Variants in PIK3C2G observed in about 807,000 individuals in gnomAD.
PIK3C2G encodes phosphatidylinositol 3-kinase C2 domain-containing subunit gamma.
A neutral mutation model predicts 181.1 loss-of-function variants in PIK3C2G; 168 were observed. That is an observed-to-expected ratio of 0.93 (90% CI 0.82 to 1.05). PIK3C2G has a LOEUF of 1.05. Among genes scored for constraint, PIK3C2G ranks in the 50% least tolerant of loss-of-function variants. The pLI, the probability that PIK3C2G is intolerant of heterozygous loss-of-function variation, is 0.00. For missense variants in PIK3C2G, 1,869 were observed against 1,732.8 expected (o/e 1.08, Z -1.40); for synonymous variants, 573 against 592.2 (o/e 0.97, Z 0.47).
At chr12:18,707,022 T>A in the PIK3C2G span, among the ~76,000 whole-genome samples, 1 of 152,198 alleles carries the variant, frequency 6.6e-6, no homozygotes, top group African/African-American at 2.4e-5. Flanking sequence ...ATCTCTCTAA[T>A]CTCTGTCCCT....
chr12:18,470,417 C>T (rs922245568), intron 18 of PIK3C2G, among the ~76,000 whole-genome samples: 1 of 152,076 alleles, frequency 6.6e-6, no homozygotes, highest in African/African-American at 2.4e-5. Flanking sequence ...ATGCATATCC[C>T]AAACATTTCT....
intron 24 of PIK3C2G, among the ~76,000 whole-genome samples, chr12:18,522,386 CT>C (rs1157003137): frequency 6.6e-6 from 1 of 152,092 alleles, no homozygotes; most frequent in Non-Finnish European, 1.5e-5. Context: ...AATTAGCAGA[CT>C]TTTATTTTAG....
chr12:18,591,177 A>C (rs1247948306), intron 29 of PIK3C2G, among the ~76,000 whole-genome samples: 1 of 151,944 alleles, frequency 6.6e-6, no homozygotes, highest in Admixed American at 6.6e-5. Context: ...CTTCTATTAA[A>C]CAAGTTCACA....
At chr12:18,561,000 G>C (rs1945315376) in intron 26 of PIK3C2G, among the ~76,000 whole-genome samples, 1 of 152,126 alleles carries the variant, frequency 6.6e-6, no homozygotes, top group South Asian at 2.1e-4. Flanking sequence ...CACTCAAAAA[G>C]AAAATGTGAG....
intron 20 of PIK3C2G, chr12:18,493,233 G>C (rs748804229): frequency 4.6e-5 from 7 of 152,152 alleles, no homozygotes; most frequent in Admixed American, 6.5e-5. Context: ...TTTGACATCA[G>C]AGCCTACACA....
intron 22 of PIK3C2G, among the ~76,000 whole-genome samples, chr12:18,499,521 T>C (rs1167099691): frequency 6.6e-6 from 1 of 152,202 alleles, no homozygotes; most frequent in African/African-American, 2.4e-5. Flanking sequence ...GTATGTAATG[T>C]CCTAGGAGTT....
At chr12:18,385,000 A>T (rs1943073071) in intron 14 of PIK3C2G, among the ~76,000 whole-genome samples, 1 of 152,158 alleles carries the variant, frequency 6.6e-6, no homozygotes, top group Admixed American at 6.5e-5. Flanking sequence ...GAATCTTTCA[A>T]CCTAAAGATT....
chr12:18,551,092 G>A (rs1353893113), intron 26 of PIK3C2G, among the ~76,000 whole-genome samples: 1 of 151,912 alleles, frequency 6.6e-6, no homozygotes, highest in Non-Finnish European at 1.5e-5. Context: ...GTATTTAGAG[G>A]GAAAATGGAA....
At chr12:18,562,659 G>A in intron 26 of PIK3C2G, 44 bp from the exon 27 acceptor site, 8 of 1,149,508 alleles carry the variant, frequency 7.0e-6, no homozygotes, top group Non-Finnish European at 8.9e-6. Context: ...ATGAGTAGAT[G>A]CAGAGGAGTG....
intron 5 of PIK3C2G, among the ~76,000 whole-genome samples, chr12:18,300,830 T>C (rs1247597447): frequency 2.0e-5 from 3 of 152,122 alleles, no homozygotes; most frequent in Non-Finnish European, 2.9e-5. Flanking sequence ...ATGATAGATA[T>C]TGTTTTTTCA....
chr12:18,276,491 A>G (rs1948991987), intron 1 of PIK3C2G, among the ~76,000 whole-genome samples: 1 of 152,190 alleles, frequency 6.6e-6, no homozygotes, highest in Admixed American at 6.6e-5. Context: ...TATCTTTGAC[A>G]TATTGCACAT....
At chr12:18,417,334 A>G (rs1006943304) in intron 16 of PIK3C2G, among the ~76,000 whole-genome samples, 1 of 152,228 alleles carries the variant, frequency 6.6e-6, no homozygotes, top group African/African-American at 2.4e-5. Flanking sequence ...TTAGAATCCT[A>G]TATAAACATG....
rs1434097890 is a variant in PIK3C2G, at chr12:18,503,407, A to G, written c.3143A>G (p.Asp1048Gly). 1.9e-6 allele frequency: 3 copies of G among 1,603,802 alleles called. No individual in the cohort carries two copies. The highest frequency in any genetic ancestry group is 2.6e-6 in the Non-Finnish European group (3 of 1,174,568). ...AGTCAGCACAACCACTTAAAGGCAG[A>G]TTATGAAAAGGTTTGTCCTGTTGCA... ...WFSQHNHLKA[D>G]YEKALRNFFY... The change falls in exon 23 of 33, where the codon GAT (aspartate) becomes GGT (glycine). Residue 1048 changes from aspartate (D) to glycine (G), a missense_variant. By Grantham distance (94) the Asp-to-Gly change is moderately conservative (BLOSUM62 -1). Coordinates refer to ENST00000538779, the MANE Select transcript of PIK3C2G (RefSeq NM_001288772.2).
chr12:18,461,104 T>C (rs184401136), intron 18 of PIK3C2G, among the ~76,000 whole-genome samples: 206 of 152,220 alleles, frequency 1.4e-3, no homozygotes, highest in Non-Finnish European at 2.4e-3. Context: ...TGCGTGGTAT[T>C]TTATATATAT....
At chr12:18,311,637 T>C (rs1188871379) in intron 5 of PIK3C2G, among the ~76,000 whole-genome samples, 1 of 152,026 alleles carries the variant, frequency 6.6e-6, no homozygotes, top group Non-Finnish European at 1.5e-5. Context: ...ACGTTTAGTG[T>C]AAATATGTAT....
chr12:18,484,872 T>C (rs1939887163), intron 18 of PIK3C2G, among the ~76,000 whole-genome samples: 1 of 152,190 alleles, frequency 6.6e-6, no homozygotes. Context: ...GAGTTCTAAA[T>C]ACACTTGAAA....
chr12:18,723,545 A>G, the PIK3C2G span: 1 of 1,609,760 alleles, frequency 6.2e-7, no homozygotes, highest in Non-Finnish European at 8.5e-7. Flanking sequence ...TCATTGTCCT[A>G]CTAAAAAAAT....
chr12:18,323,563 A>G (rs1951202306), intron 7 of PIK3C2G, among the ~76,000 whole-genome samples: 2 of 151,882 alleles, frequency 1.3e-5, no homozygotes, highest in Admixed American at 6.6e-5. Flanking sequence ...CCACTGTAGA[A>G]CTTTACTTTT....
intron 24 of PIK3C2G, among the ~76,000 whole-genome samples, chr12:18,507,276 G>C (rs936410259): frequency 3.3e-5 from 5 of 152,060 alleles, no homozygotes; most frequent in African/African-American, 4.8e-5. Context: ...GTGATCTCCT[G>C]CCTCGGCCTC....
Sources: gnomAD v4.1 joint callset for allele counts (sites outside exome capture counted in the v4.1 genomes callset) on GRCh38, gnomAD v4.1.1 for gene constraint, MANE v1.5 for transcripts, NCBI Gene and HGNC (gene_info 2026-07-23, HGNC 2026-07-21) for gene names.